TRIOBP: variants seen among roughly 807,000 people sequenced by gnomAD.
TRIOBP encodes TRIO and F-actin binding protein.
In TRIOBP, 169 loss-of-function variants were observed where a neutral mutation model predicts 238.8. That is an observed-to-expected ratio of 0.71 (90% CI 0.62 to 0.80). The LOEUF is 0.80. Among genes scored for constraint, TRIOBP ranks in the 30% least tolerant of loss-of-function variants. The pLI is 0.00. For missense variants in TRIOBP, 2,838 were observed against 3,122.6 expected (o/e 0.91, Z 2.17); for synonymous variants, 1,150 against 1,274.4 (o/e 0.90, Z 2.08).
At chr22:37,758,353 G>C (rs1394205491) in intron 16 of TRIOBP, among the ~76,000 whole-genome samples, 1 of 152,142 alleles carries the variant, frequency 6.6e-6, no homozygotes, top group Non-Finnish European at 1.5e-5. Flanking sequence ...TCCTAGTTCT[G>C]CCCTTAGCAG....
intron 10 of TRIOBP, among the ~76,000 whole-genome samples, chr22:37,738,928 C>T (rs1415429170): frequency 6.6e-6 from 1 of 152,120 alleles, no homozygotes; most frequent in Admixed American, 6.5e-5. Flanking sequence ...GTGGGCGATC[C>T]TGGGGTCAGA....
At chr22:37,720,460 T>C (rs1296525465) in intron 6 of TRIOBP, among the ~76,000 whole-genome samples, 1 of 152,112 alleles carries the variant, frequency 6.6e-6, no homozygotes. Context: ...TCTCCTCCAA[T>C]CTGTGACAGG....
chr22:37,706,863 ACT>A (rs1272453511), intron 3 of TRIOBP, among the ~76,000 whole-genome samples: 2 of 151,470 alleles, frequency 1.3e-5, no homozygotes, highest in Admixed American at 6.6e-5. Flanking sequence ...AGGCTGTGAA[ACT>A]CTCCTTTGGC....
intron 4 of TRIOBP, 143 bp from the exon 5 acceptor site, chr22:37,713,067 C>T (rs1171753020): frequency 6.1e-6 from 4 of 655,480 alleles, no homozygotes; most frequent in Non-Finnish European, 1.0e-5. Context: ...AAGTCTGACA[C>T]AGAGGCAGCT....
In TRIOBP at chr22:37,723,317, G is replaced by A. The variant is rs1233451517; in HGVS notation, c.761G>A (p.Ser254Asn). ...ATGACACCACACAGTGGACCTCGAA[G>A]CACCACGTCTCAGGCTTCTCCTGCC... ...SSMTPHSGPRSTTSQASPAQR... is the reference protein window; with the variant it reads ...SSMTPHSGPRNTTSQASPAQR... Residue 254 changes from serine to asparagine, a missense_variant, in exon 7 of 24, where the codon AGC becomes AAC. Around this residue, in one of 5 missense-constraint regions of TRIOBP, gnomAD observed 535 missense variants for 537.3 expected, o/e 1.00. Transcript: ENST00000644935. The A allele has an allele frequency of 6.2e-7, 1 of 1,613,990 alleles. No individual in the cohort carries two copies. The highest frequency in any genetic ancestry group is 8.5e-7 in the Non-Finnish European group (1 of 1,180,010).
chr22:37,731,537 A>G (rs1485769496), intron 7 of TRIOBP, among the ~76,000 whole-genome samples: 3 of 151,168 alleles, frequency 2.0e-5, no homozygotes, highest in South Asian at 2.1e-4. Context: ...GCTCACTGCA[A>G]CCTCCACCTC....
Position 37,725,788 on chromosome 22 carries a change from C to G in TRIOBP, c.3232C>G (p.Arg1078Gly). Residue 1078 changes from arginine to glycine, a missense_variant, in exon 7 of 24, where the codon CGC becomes GGC. Physicochemically the swap from Arg to Gly is moderately radical, Grantham distance 125. Transcript: ENST00000644935. ...TGCCCCCCGGGCGTCCTCGCCCCCCCGCCACACCCAATTTGACCCCTTCCC... is the reference window on the plus strand; with the variant it reads ...TGCCCCCCGGGCGTCCTCGCCCCCCGGCCACACCCAATTTGACCCCTTCCC... Reference protein sequence around the residue: ...RDAPRASSPPRHTQFDPFPFL... With the variant: ...RDAPRASSPPGHTQFDPFPFL... 1 of 1,609,524 alleles carries G rather than the reference C, an allele frequency of 6.2e-7. No individual in the cohort carries two copies. The highest frequency in any genetic ancestry group is 1.1e-5 in the South Asian group (1 of 90,830).
intron 11 of TRIOBP, among the ~76,000 whole-genome samples, chr22:37,742,468 G>A (rs1428876436): frequency 6.6e-6 from 1 of 152,040 alleles, no homozygotes; most frequent in Admixed American, 6.6e-5. Context: ...TCACCACGTT[G>A]GCCAGGCTGG....
At chr22:37,767,217 C>T (rs913886325) in intron 18 of TRIOBP, among the ~76,000 whole-genome samples, 4 of 150,492 alleles carry the variant, frequency 2.7e-5, no homozygotes, top group Admixed American at 1.3e-4. Flanking sequence ...TGCCACTGCA[C>T]TCCAGCCTGG....
Position 37,697,686 on chromosome 22 carries a change from G to A in TRIOBP, c.-71G>A, listed in dbSNP as rs1259589899. 1 of 152,250 alleles carries A rather than the reference G, an allele frequency of 6.6e-6. No individual in the cohort carries two copies. Among genetic ancestry groups the A allele is most frequent in the Non-Finnish European group, 1.5e-5 (1 of 68,082 alleles). The allele number at this position is 152,250 out of a possible 1,614,324, so 9.4% of individuals were successfully genotyped here. ...TTGGCCACAAAAGCCTGATCCCCTG[G>A]AACACAGCAGGTGAGGATGGATGTG... On this transcript the variant is annotated 5_prime_UTR_variant, in exon 2 of 24. Coordinates refer to ENST00000644935, the MANE Select transcript of TRIOBP (RefSeq NM_001039141.3).
Position 37,765,834 on chromosome 22 carries a change from G to A in TRIOBP, c.6472+17G>A. 1 of 1,584,598 alleles carries A rather than the reference G, an allele frequency of 6.3e-7. No individual in the cohort carries two copies. The highest frequency in any genetic ancestry group is 8.5e-7 in the Non-Finnish European group (1 of 1,169,696). On this transcript the variant is annotated intron_variant, in intron 18 of 23. Transcript: ENST00000644935. ...CGGCCTCAGGTATGGACCCTGGGGG[G>A]GGCACAGTGGGCTGGGCTCTGAGCC...
intron 7 of TRIOBP, among the ~76,000 whole-genome samples, chr22:37,729,740 A>G (rs541262121): frequency 1.3e-5 from 2 of 152,294 alleles, no homozygotes; most frequent in South Asian, 2.1e-4. Flanking sequence ...GAAATAGCTT[A>G]TTTACCTTTT....
chr22:37,711,814 T>C (rs1327617006), intron 4 of TRIOBP, among the ~76,000 whole-genome samples: 1 of 152,154 alleles, frequency 6.6e-6, no homozygotes, highest in South Asian at 2.1e-4. Flanking sequence ...TTTATGGCCA[T>C]CACTTATTAT....
rs753521519 is a variant in TRIOBP at position 37,775,540 on chromosome 22, CT to C, written c.*1763del. ...GTGGCTCTTGCCTATTATCCTAGCA[CT>C]TTGGGAGGCCAAGGCAGGGGGATCA... On this transcript the variant is annotated 3_prime_UTR_variant, in exon 24 of 24. Coordinates refer to ENST00000644935, the MANE Select transcript of TRIOBP (RefSeq NM_001039141.3). The C allele has an allele frequency of 1.3e-5, 2 of 152,218 alleles. No homozygotes were observed. The highest frequency in any genetic ancestry group is 2.4e-5 in the African/African-American group (1 of 41,440). The allele number at this position is 152,218 out of a possible 1,614,324, so 9.4% of individuals were successfully genotyped here.
At chr22:37,769,727 TTTTC>T (rs1031390819) in intron 21 of TRIOBP, among the ~76,000 whole-genome samples, 50 of 151,172 alleles carry the variant, frequency 3.3e-4, no homozygotes, top group African/African-American at 1.1e-3. Flanking sequence ...TTTTCTTTCT[TTTTC>T]TTTCTTTCTT....
chr22:37,758,058 C>A lies in TRIOBP; in HGVS notation c.6133C>A (p.Pro2045Thr). The A allele has an allele frequency of 6.2e-7, 1 of 1,611,866 alleles. No homozygotes were observed. Among genetic ancestry groups the A allele is most frequent in the East Asian group, 2.2e-5 (1 of 44,866 alleles). The part of the protein sequence containing the change: ...KLPLRENKRV[P>T]LTALLNQSRG... ...GCCCCTGCGGGAGAATAAGCGGGTG[C>A]CCCTCACTGCCCTGCTCAACCAAAG... The change falls in exon 16 of 24, where the codon CCC (proline) becomes ACC (threonine). Residue 2045 changes from proline (P) to threonine (T), a missense_variant. Physicochemically the swap from Pro to Thr is conservative, Grantham distance 38. Around this residue, in one of 5 missense-constraint regions of TRIOBP, gnomAD observed 2,096 missense variants for 2,137.4 expected, o/e 0.98. Transcript: ENST00000644935.
chr22:37,749,608 C>A (rs1488512181), intron 11 of TRIOBP, among the ~76,000 whole-genome samples: 2 of 152,068 alleles, frequency 1.3e-5, no homozygotes, highest in African/African-American at 2.4e-5. Flanking sequence ...TTTAGATGAT[C>A]GGACCTTTTG....
At chr22:37,713,169 C>T (rs745325099) in intron 4 of TRIOBP, 41 bp from the exon 5 acceptor site, 22 of 1,560,516 alleles carry the variant, frequency 1.4e-5, no homozygotes, top group Admixed American at 1.8e-5. Flanking sequence ...GGGGGATGCT[C>T]CTAACTCCCC....
intron 5 of TRIOBP, among the ~76,000 whole-genome samples, chr22:37,714,037 T>C (rs1269490357): frequency 6.6e-6 from 1 of 152,190 alleles, no homozygotes; most frequent in Non-Finnish European, 1.5e-5. Flanking sequence ...AGCTCCATGC[T>C]AAGGGCTTGG....
Sources: gnomAD v4.1 joint callset for allele counts (sites outside exome capture counted in the v4.1 genomes callset) on GRCh38, gnomAD v4.1.1 for gene constraint, gnomAD v4.1.1 regional missense constraint, MANE v1.5 for transcripts, NCBI Gene and HGNC (gene_info 2026-07-23, HGNC 2026-07-21) for gene names.